CASP9: variants seen among roughly 807,000 people sequenced by gnomAD.
CASP9 encodes caspase 9.
In CASP9, 29 loss-of-function variants were observed where a neutral mutation model predicts 43.5. That is an observed-to-expected ratio of 0.67 (90% CI 0.50 to 0.91). The LOEUF is 0.91. CASP9 is among the 40% of genes least tolerant of loss of function. The pLI, the probability that CASP9 is intolerant of heterozygous loss-of-function variation, is 0.00. For synonymous variants in CASP9, 206 were observed against 211.9 expected (o/e 0.97, Z 0.24); for missense variants, 575 against 537.4 (o/e 1.07, Z -0.69).
rs538550259 is a variant in CASP9 at position 15,501,167 on chromosome 1, T to A, written c.868+3444A>T. Reference sequence around the variant, plus strand: ...TGCAGCATATTGTCATTGCTTTCTGTCTTCTCAGCCCGATCTCTCAAATCC... The same window carrying A: ...TGCAGCATATTGTCATTGCTTTCTGACTTCTCAGCCCGATCTCTCAAATCC... On this transcript the variant is annotated intron_variant, in intron 6 of 8. Transcript: ENST00000333868. Among the ~76,000 whole-genome samples, 3 of 152,278 alleles carry A rather than the reference T, an allele frequency of 2.0e-5. No individual in the cohort carries two copies. The East Asian group carries it at 5.8e-4, about 29-fold the overall frequency.
At chr1:15,514,334 C>T (rs1709874039) in intron 2 of CASP9, among the ~76,000 whole-genome samples, 1 of 152,246 alleles carries the variant, frequency 6.6e-6, no homozygotes, top group Non-Finnish European at 1.5e-5. Context: ...AAAGGCTCTG[C>T]TGCTGGCCCT....
chr1:15,491,633 C>T lies in CASP9; in HGVS notation c.*1310G>A, dbSNP rs1324504112. 2 of 293,182 alleles carry T rather than the reference C, an allele frequency of 6.8e-6. No individual in the cohort carries two copies. The highest frequency in any genetic ancestry group is 1.3e-5 in the Non-Finnish European group (2 of 151,272). 18.2% of individuals were successfully genotyped at this position (293,182 alleles called of 1,614,324 possible). A position where few individuals can be genotyped will look rare whatever the true frequency, so the allele number is the denominator to read the frequency against. On this transcript the variant is annotated 3_prime_UTR_variant, in exon 9 of 9. Transcript: ENST00000333868. ...ATTAACTGGGAGAGGTGGTGCACAC[C>T]TGTAGTCCAAGCTACTCAGGTGGCT...
Position 15,518,357 on chromosome 1 carries a change from C to A in CASP9, c.171G>T (p.Gln57His). 1.9e-6 allele frequency: 3 copies of A among 1,613,802 alleles called. No homozygotes were observed. The highest frequency in any genetic ancestry group is 2.5e-6 in the Non-Finnish European group (3 of 1,179,936). ...CTCGAGTCTCCAGATCTATGATCAGCTGCCTGGCCTGATCCCGCCGAGATC... is the reference window on the plus strand; with the variant it reads ...CTCGAGTCTCCAGATCTATGATCAGATGCCTGGCCTGATCCCGCCGAGATC... ...GSGSRRDQAR[Q>H]LIIDLETRGS... The change falls in exon 2 of 9, where the codon CAG becomes CAT. Residue 57 changes from glutamine (Q) to histidine (H), a missense_variant. Coordinates refer to ENST00000333868, the MANE Select transcript of CASP9 (RefSeq NM_001229.5).
chr1:15,516,799 C>T (rs1230521264), intron 2 of CASP9, among the ~76,000 whole-genome samples: 1 of 152,214 alleles, frequency 6.6e-6, no homozygotes, highest in Non-Finnish European at 1.5e-5. Flanking sequence ...CAGCATGAGT[C>T]GGATCAATGA....
At chr1:15,496,581 A>G (rs891200146) in intron 6 of CASP9, among the ~76,000 whole-genome samples, 3 of 152,244 alleles carry the variant, frequency 2.0e-5, no homozygotes, top group African/African-American at 7.2e-5. Flanking sequence ...CCAACCACAA[A>G]AAATACTTCC....
chr1:15,502,839 G>A (rs1249387678), intron 6 of CASP9, among the ~76,000 whole-genome samples: 1 of 152,216 alleles, frequency 6.6e-6, no homozygotes, highest in Admixed American at 6.5e-5. Flanking sequence ...CGGAGGCTCC[G>A]AAGGAAGAGC....
chr1:15,504,686 T>C lies in CASP9; in HGVS notation c.793A>G (p.Asn265Asp). Residue 265 changes from asparagine to aspartate, a missense_variant, in exon 6 of 9, where the codon AAC becomes GAC. Transcript: ENST00000333868. ...GCPVSVEKIVNIFNGTSCPSL... is the reference protein window; with the variant it reads ...GCPVSVEKIVDIFNGTSCPSL... ...GGGCAGCTGGTCCCATTGAAGATGT[T>C]CACAATCTTCTCGACCGACACAGGG... 1.2e-6 allele frequency: 2 copies of C among 1,614,176 alleles called. No individual in the cohort carries two copies. Among genetic ancestry groups the C allele is most frequent in the Non-Finnish European group, 1.7e-6 (2 of 1,180,016 alleles).
intron 1 of CASP9, 83 bp from the exon 2 acceptor site, chr1:15,518,478 G>A (rs978896413): frequency 6.8e-6 from 10 of 1,460,238 alleles, no homozygotes; most frequent in Middle Eastern, 1.9e-4. Context: ...CCCAGCTACT[G>A]TAAGTCTAAA....
chr1:15,520,312 G>A (rs1411471132), intron 1 of CASP9, among the ~76,000 whole-genome samples: 4 of 152,196 alleles, frequency 2.6e-5, no homozygotes, highest in Non-Finnish European at 4.4e-5. Flanking sequence ...CCCAGGTGCC[G>A]AGGCAAGAGA....
intron 1 of CASP9, among the ~76,000 whole-genome samples, chr1:15,520,245 C>T (rs1710129188): frequency 6.6e-6 from 1 of 152,142 alleles, no homozygotes. Flanking sequence ...TATCACATGA[C>T]CATTAAGCAC....
chr1:15,524,907 G>T, upstream of CASP9: 1 of 264,958 alleles, frequency 3.8e-6, no homozygotes, highest in Non-Finnish European at 4.9e-6. Flanking sequence ...CCGCCCCCAG[G>T]ATTCAACCCA....
intron 2 of CASP9, among the ~76,000 whole-genome samples, chr1:15,509,302 A>G (rs1405740555): frequency 3.9e-5 from 6 of 152,086 alleles, no homozygotes; most frequent in Admixed American, 3.9e-4. Flanking sequence ...CGCTTCACTG[A>G]TACACGCAAT....
chr1:15,524,188 C>T lies in CASP9; in HGVS notation c.13G>A (p.Asp5Asn), dbSNP rs374378619. MDEADRRLLRRCRLR... is the reference protein window; with the variant it reads MDEANRRLLRRCRLR... The stretch of plus-strand genomic sequence containing the variant: ...CGGCACCGCCGCAGGAGCCGCCGAT[C>T]CGCTTCGTCCATGGCGAGTAGCCAA... The change falls in exon 1 of 9, where the codon GAT (aspartate) becomes AAT (asparagine). Residue 5 changes from aspartate (D) to asparagine (N), a missense_variant. Coordinates refer to ENST00000333868, the MANE Select transcript of CASP9 (RefSeq NM_001229.5). The T allele has an allele frequency of 1.3e-6, 2 of 1,546,404 alleles. No individual in the cohort carries two copies. The highest frequency in any genetic ancestry group is 1.2e-5 in the South Asian group (1 of 84,402).
upstream of CASP9, chr1:15,524,464 G>A (rs1289375814): frequency 2.2e-6 from 2 of 902,122 alleles, no homozygotes; most frequent in Non-Finnish European, 2.7e-6. Flanking sequence ...TCACCGCGCC[G>A]CCCCAGAACA....
Position 15,492,797 on chromosome 1 carries a change from C to T in CASP9, c.*146G>A. On this transcript the variant is annotated 3_prime_UTR_variant, in exon 9 of 9. Coordinates refer to ENST00000333868, the MANE Select transcript of CASP9 (RefSeq NM_001229.5). ...TCGTCAATCTGGAAGCTGCTAAGAG[C>T]CTGTCTGTCACTGGCAGAGAAAGAG... The T allele has an allele frequency of 9.0e-7, 1 of 1,117,114 alleles. No individual in the cohort carries two copies. The highest frequency in any genetic ancestry group is 1.3e-6 in the Non-Finnish European group (1 of 784,814). 69.2% of individuals were successfully genotyped at this position (1,117,114 alleles called of 1,614,324 possible).
At chr1:15,524,263 C>T (rs1200103102), upstream of CASP9, 13 of 1,516,724 alleles carry the variant, frequency 8.6e-6, no homozygotes, top group Non-Finnish European at 1.1e-5. Flanking sequence ...GCCGCCCGCC[C>T]CAGTCCCCAG....
At chr1:15,512,059 G>A (rs1314262637) in intron 2 of CASP9, among the ~76,000 whole-genome samples, 2 of 152,182 alleles carry the variant, frequency 1.3e-5, no homozygotes, top group Non-Finnish European at 2.9e-5. Flanking sequence ...ATCCCCATTT[G>A]CCAGAGGGGA....
Position 15,517,352 on chromosome 1 carries a change from T to C in CASP9, c.418+758A>G, listed in dbSNP as rs141298840. On this transcript the variant is annotated intron_variant, in intron 2 of 8. Transcript: ENST00000333868. Reference sequence around the variant, plus strand: ...CATATAAGACTATATAGGATTTATATTGAAGTTTAAGGACAAGCAAAAGGG... The same window carrying C: ...CATATAAGACTATATAGGATTTATACTGAAGTTTAAGGACAAGCAAAAGGG... Among the ~76,000 whole-genome samples the C allele has an allele frequency of 2.7e-3, 418 of 152,242 alleles. 3 individuals carry two copies. The highest frequency in any genetic ancestry group is 9.2e-3 in the African/African-American group (384 of 41,558).
At chr1:15,514,920 G>A (rs1440719209) in intron 2 of CASP9, among the ~76,000 whole-genome samples, 1 of 152,070 alleles carries the variant, frequency 6.6e-6, no homozygotes, top group African/African-American at 2.4e-5. Flanking sequence ...TGAGAGAATT[G>A]TTTGAACCTG....
Sources: gnomAD v4.1 joint callset for allele counts (sites outside exome capture counted in the v4.1 genomes callset) on GRCh38, gnomAD v4.1.1 for gene constraint, MANE v1.5 for transcripts, NCBI Gene and HGNC (gene_info 2026-07-23, HGNC 2026-07-21) for gene names.